Variants in HCN1 observed in about 807,000 individuals in gnomAD.
HCN1 encodes hyperpolarization activated cyclic nucleotide gated potassium channel 1.
A neutral mutation model predicts 78.9 loss-of-function variants in HCN1; 13 were observed. The ratio of observed to expected loss-of-function variants is 0.16; its 90% CI spans 0.11 to 0.26. HCN1 has a LOEUF of 0.26. HCN1 is among the 10% of genes least tolerant of loss of function. HCN1 has a pLI of 1.00. For synonymous variants in HCN1, 552 were observed against 455.5 expected (o/e 1.21, Z -2.70); for missense variants, 810 against 1,154.3 (o/e 0.70, Z 4.32).
At chr5:45,347,893 T>C (rs2111974933) in intron 5 of HCN1, among the ~76,000 whole-genome samples, 1 of 152,300 alleles carries the variant, frequency 6.6e-6, no homozygotes, top group Non-Finnish European at 1.5e-5. Context: ...GTCTGATTGG[T>C]GTACCTGAAA....
chr5:45,353,836 T>A (rs1238701622), intron 4 of HCN1, among the ~76,000 whole-genome samples: 2 of 151,902 alleles, frequency 1.3e-5, no homozygotes, highest in Non-Finnish European at 2.9e-5. Flanking sequence ...AATATCACGG[T>A]GAGACTAGAT....
intron 5 of HCN1, among the ~76,000 whole-genome samples, chr5:45,325,638 T>A (rs1402437361): frequency 6.6e-6 from 1 of 151,660 alleles, no homozygotes; most frequent in Non-Finnish European, 1.5e-5. Context: ...AATCTGGTGG[T>A]TTGTCTTCTA....
intron 2 of HCN1, among the ~76,000 whole-genome samples, chr5:45,568,560 T>A (rs1743756562): frequency 6.6e-6 from 1 of 152,048 alleles, no homozygotes; most frequent in African/African-American, 2.4e-5. Context: ...GTAGAAGATT[T>A]CCCAGCACAG....
At chr5:45,312,725 C>T (rs1745880233) in intron 5 of HCN1, among the ~76,000 whole-genome samples, 1 of 152,248 alleles carries the variant, frequency 6.6e-6, no homozygotes, top group Non-Finnish European at 1.5e-5. Context: ...TTATATCCCG[C>T]ACCTGGCTCA....
intron 5 of HCN1, among the ~76,000 whole-genome samples, chr5:45,331,010 A>C (rs1746333192): frequency 6.6e-6 from 1 of 151,224 alleles, no homozygotes. Context: ...TATATAATTT[A>C]GATGATAGAA....
At chr5:45,564,486 T>A (rs1743668442) in intron 2 of HCN1, among the ~76,000 whole-genome samples, 2 of 152,090 alleles carry the variant, frequency 1.3e-5, no homozygotes, top group South Asian at 4.1e-4. Flanking sequence ...TCTGCCCGCC[T>A]CGGCCTCCCA....
chr5:45,460,642 C>T (rs534372371), intron 3 of HCN1, among the ~76,000 whole-genome samples: 87 of 150,528 alleles, frequency 5.8e-4, no homozygotes, highest in Admixed American at 1.2e-3. Context: ...TGAAATGAAG[C>T]GAGATCTAGG....
intron 2 of HCN1, among the ~76,000 whole-genome samples, chr5:45,485,116 C>T (rs1561171882): frequency 1.3e-5 from 2 of 152,268 alleles, no homozygotes; most frequent in East Asian, 3.9e-4. Flanking sequence ...TATGTTATCA[C>T]TTATTACATT....
intron 1 of HCN1, among the ~76,000 whole-genome samples, chr5:45,660,150 A>C (rs62369139): frequency 0.14 from 14,028 of 101,866 alleles, 862 homozygotes; most frequent in East Asian, 0.17. Context: ...GCCAATATTC[A>C]ACATTCTTAA....
intron 1 of HCN1, among the ~76,000 whole-genome samples, chr5:45,672,453 A>G (rs1746169379): frequency 6.6e-6 from 1 of 151,418 alleles, no homozygotes; most frequent in Non-Finnish European, 1.5e-5. Context: ...GCTAGTATTT[A>G]TAGTTGTATT....
chr5:45,303,515 T>G (rs1226322330), intron 6 of HCN1, 84 bp downstream of exon 6: 19 of 1,431,298 alleles, frequency 1.3e-5, no homozygotes, highest in Non-Finnish European at 1.7e-5. Context: ...ACCAAAAAAC[T>G]GACATGCTGA....
intron 1 of HCN1, among the ~76,000 whole-genome samples, chr5:45,663,663 T>G (rs1012555418): frequency 6.6e-6 from 1 of 151,604 alleles, no homozygotes; most frequent in Non-Finnish European, 1.5e-5. Flanking sequence ...GAACAGACAC[T>G]TCTCAAGAGA....
chr5:45,278,683 G>C lies in HCN1; in HGVS notation c.1619-11430C>G, dbSNP rs139255478. 2.2e-3 allele frequency among the ~76,000 whole-genome samples: 332 copies of C among 152,214 alleles called. 1 individual carries two copies. The highest frequency in any genetic ancestry group is 7.7e-3 in the African/African-American group (320 of 41,560). On this transcript the variant is annotated intron_variant, in intron 6 of 7. Coordinates refer to ENST00000303230, the MANE Select transcript of HCN1 (RefSeq NM_021072.4). ...AATTAGTTACTTTAGTTAGTAGTAT[G>C]TGTTAATTGATAGAGGTAGAATGCA...
At chr5:45,594,018 G>A (rs1299039879) in intron 2 of HCN1, among the ~76,000 whole-genome samples, 2 of 151,950 alleles carry the variant, frequency 1.3e-5, no homozygotes, top group Non-Finnish European at 2.9e-5. Context: ...TTCTTCTCTG[G>A]GCCTAGGTCA....
intron 5 of HCN1, among the ~76,000 whole-genome samples, chr5:45,348,561 C>T (rs1280151470): frequency 6.6e-6 from 1 of 152,164 alleles, no homozygotes; most frequent in East Asian, 1.9e-4. Context: ...AATTAAAAGA[C>T]ACAGACTGGC....
intron 5 of HCN1, among the ~76,000 whole-genome samples, chr5:45,305,834 G>A (rs1365146209): frequency 6.7e-6 from 1 of 150,326 alleles, no homozygotes; most frequent in Admixed American, 6.6e-5. Flanking sequence ...AAGAAGGAAA[G>A]GAGGGAGGGA....
At chr5:45,360,220 T>TATAAG (rs1747084699) in intron 4 of HCN1, among the ~76,000 whole-genome samples, 1 of 151,678 alleles carries the variant, frequency 6.6e-6, no homozygotes, top group South Asian at 2.1e-4. Flanking sequence ...TCTTATAGAA[T>TATAAG]AAAAAAGTAT....
chr5:45,669,493 C>T (rs1302095350), intron 1 of HCN1, among the ~76,000 whole-genome samples: 1 of 151,596 alleles, frequency 6.6e-6, no homozygotes, highest in Non-Finnish European at 1.5e-5. Context: ...AGAAGTGATG[C>T]CAGGACCAAG....
intron 2 of HCN1, among the ~76,000 whole-genome samples, chr5:45,480,534 C>T (rs772463055): frequency 6.6e-6 from 1 of 152,088 alleles, no homozygotes; most frequent in African/African-American, 2.4e-5. Context: ...AAAGGGTGGG[C>T]ATATCAGAGC....
Sources: allele counts gnomAD v4.1 joint callset (sites outside exome capture counted in the v4.1 genomes callset), GRCh38; gene constraint gnomAD v4.1.1; transcripts MANE v1.5; gene names NCBI Gene and HGNC (gene_info 2026-07-23, HGNC 2026-07-21).